The following SNTG2 variants were observed in gnomAD, a reference collection of about 807,000 sequenced individuals.
SNTG2 encodes syntrophin gamma 2, also known as gamma-2-syntrophin.
In SNTG2, 74 loss-of-function variants were observed where a neutral mutation model predicts 70.9. That is an observed-to-expected ratio of 1.04 (90% CI 0.86 to 1.27). The LOEUF (loss-of-function observed/expected upper bound fraction) is 1.27. Ranked by LOEUF, SNTG2 falls within the 50% of genes most tolerant of loss-of-function variation. SNTG2 has a pLI of 0.00. For synonymous variants in SNTG2, 278 were observed against 273.8 expected, an observed-to-expected ratio of 1.02 and a Z score of -0.15; for missense variants, 717 against 690.7, an observed-to-expected ratio of 1.04 and a Z score of -0.43.
rs776402702 is a variant in SNTG2, at chr2:1,097,253, G to A, written c.211-943G>A. 7.9e-5 allele frequency among the ~76,000 whole-genome samples: 12 copies of A among 152,166 alleles called. No individual in the cohort carries two copies. Among genetic ancestry groups the A allele is most frequent in the Non-Finnish European group, 1.6e-4 (11 of 68,032 alleles). On this transcript the variant is annotated intron_variant, in intron 2 of 16. Transcript: ENST00000308624. The surrounding 1 kb of genome is among the most constrained non-coding windows in gnomAD (Gnocchi z 4.1). ...GCCTCCCTGCATCTGCACCTGCACC[G>A]CTGGCCGGGGCGGGAGCTCCCAGGT...
chr2:1,193,683 A>G (rs1229469970), intron 8 of SNTG2, among the ~76,000 whole-genome samples: 2 of 152,222 alleles, frequency 1.3e-5, no homozygotes, highest in Non-Finnish European at 2.9e-5. Context: ...AGTCCTGAGC[A>G]TTTCTAGGCC....
chr2:1,191,681 G>C (rs1003992375), intron 8 of SNTG2, among the ~76,000 whole-genome samples: 3 of 152,108 alleles, frequency 2.0e-5, no homozygotes, highest in African/African-American at 2.4e-5. Flanking sequence ...TGTAGTCCCA[G>C]CTACTTGGGA....
At chr2:1,185,221 C>A (rs112085085) in intron 8 of SNTG2, among the ~76,000 whole-genome samples, 11 of 152,304 alleles carry the variant, frequency 7.2e-5, no homozygotes, top group African/African-American at 1.9e-4. Context: ...TTGGGCAGCC[C>A]CACTGCTGTG....
At chr2:1,334,912 AC>A in intron 16 of SNTG2, among the ~76,000 whole-genome samples, 1 of 152,128 alleles carries the variant, frequency 6.6e-6, no homozygotes, top group African/African-American at 2.4e-5. Context: ...GTAACCAAAA[AC>A]CCCCATTCCC....
chr2:1,180,106 T>C (rs1671765402), intron 8 of SNTG2, among the ~76,000 whole-genome samples: 1 of 125,620 alleles, frequency 8.0e-6, no homozygotes, highest in Non-Finnish European at 1.7e-5. Flanking sequence ...CCTAAAACCA[T>C]AAAAACCCTA....
intron 2 of SNTG2, among the ~76,000 whole-genome samples, chr2:1,093,159 G>T (rs1411800692): frequency 1.3e-5 from 2 of 152,198 alleles, no homozygotes; most frequent in African/African-American, 4.8e-5. Context: ...CCATAAATTA[G>T]ATTCATAATG....
At chr2:995,518 G>A (rs549647963) in intron 1 of SNTG2, among the ~76,000 whole-genome samples, 3 of 152,150 alleles carry the variant, frequency 2.0e-5, no homozygotes, top group African/African-American at 7.2e-5. Flanking sequence ...ATATTATCTT[G>A]TAGTTTTCTT....
At chr2:1,037,150 C>G (rs1470652674) in intron 1 of SNTG2, among the ~76,000 whole-genome samples, 1 of 152,236 alleles carries the variant, frequency 6.6e-6, no homozygotes, top group African/African-American at 2.4e-5. Flanking sequence ...TCTGTCAGCA[C>G]TCAGGGCTCT....
intron 1 of SNTG2, among the ~76,000 whole-genome samples, chr2:960,771 C>T (rs925454293): frequency 6.7e-6 from 1 of 149,636 alleles, no homozygotes; most frequent in Non-Finnish European, 1.5e-5. Context: ...GGTTCCCACG[C>T]ACGGCTGTAG....
At chr2:1,349,020 G>A (rs1256670894) in intron 16 of SNTG2, among the ~76,000 whole-genome samples, 3 of 152,238 alleles carry the variant, frequency 2.0e-5, no homozygotes, top group South Asian at 2.1e-4. Context: ...AGGCAACTGA[G>A]CAGGAGGAGA....
chr2:1,198,774 G>C (rs938647359), intron 8 of SNTG2, among the ~76,000 whole-genome samples: 36 of 151,736 alleles, frequency 2.4e-4, no homozygotes, highest in African/African-American at 8.7e-4. Context: ...TAGCAAATTG[G>C]AAAACAGAGA....
chr2:1,273,089 A>C (rs1233053626), intron 14 of SNTG2, among the ~76,000 whole-genome samples: 1 of 152,180 alleles, frequency 6.6e-6, no homozygotes, highest in Non-Finnish European at 1.5e-5. Context: ...TCCACTGCCA[A>C]GTCCTGACGA....
intron 1 of SNTG2, among the ~76,000 whole-genome samples, chr2:1,014,290 T>A (rs71339708): frequency 5.5e-3 from 58 of 10,630 alleles, no homozygotes; most frequent in African/African-American, 0.011. Flanking sequence ...AGGATTTATA[T>A]GGGCAGAGAG....
intron 16 of SNTG2, among the ~76,000 whole-genome samples, chr2:1,360,415 GCT>G (rs1661073342): frequency 6.6e-6 from 1 of 152,174 alleles, no homozygotes; most frequent in African/African-American, 2.4e-5. Context: ...GTTCAGGAGA[GCT>G]CTCTCTGGGG....
intron 13 of SNTG2, among the ~76,000 whole-genome samples, chr2:1,261,710 A>C (rs746626941): frequency 6.6e-6 from 1 of 152,198 alleles, no homozygotes; most frequent in Non-Finnish European, 1.5e-5. Context: ...AGAAGATCTT[A>C]GTAATGATAG....
chr2:1,181,845 C>G (rs541214076), intron 8 of SNTG2, among the ~76,000 whole-genome samples: 1 of 152,238 alleles, frequency 6.6e-6, no homozygotes, highest in South Asian at 2.1e-4. Context: ...GTTTAAGATT[C>G]TAAGTTCATT....
intron 1 of SNTG2, among the ~76,000 whole-genome samples, chr2:1,015,051 T>A (rs535966337): frequency 6.6e-6 from 1 of 152,180 alleles, no homozygotes; most frequent in Admixed American, 6.5e-5. Flanking sequence ...TGAAAACCCT[T>A]GGGTGGTGGA....
intron 1 of SNTG2, among the ~76,000 whole-genome samples, chr2:969,511 G>A (rs1156327856): frequency 2.6e-5 from 4 of 151,864 alleles, no homozygotes; most frequent in African/African-American, 9.7e-5. Flanking sequence ...ATGTTTTTCT[G>A]TTTGTTTGTG....
chr2:1,099,642 GATGGTCAGGTCA>G, intron 4 of SNTG2, among the ~76,000 whole-genome samples: 1 of 152,144 alleles, frequency 6.6e-6, no homozygotes, highest in South Asian at 2.1e-4. Flanking sequence ...TGAGGGCAGC[GATGGTCAGGTCA>G]TCTGAAGGTG....
Sources: gnomAD v4.1 joint callset for allele counts (sites outside exome capture counted in the v4.1 genomes callset) on GRCh38, gnomAD v4.1.1 for gene constraint, Gnocchi (gnomAD v3.1) non-coding constraint, MANE v1.5 for transcripts, NCBI Gene and HGNC (gene_info 2026-07-23, HGNC 2026-07-21) for gene names.